The following KCNH3 variants were observed in gnomAD, a reference collection of about 807,000 sequenced individuals.
The protein encoded by KCNH3 is potassium voltage-gated channel subfamily H member 3, also known as voltage-gated inwardly rectifying potassium channel KCNH3.
In KCNH3, 36 loss-of-function variants were observed where a neutral mutation model predicts 95.6. The observed-to-expected ratio is 0.38, with a 90% CI of 0.29 to 0.50. The LOEUF is 0.50. Ranked by LOEUF, KCNH3 falls within the 20% of genes least tolerant of loss-of-function variation. The pLI, the probability that KCNH3 is intolerant of heterozygous loss-of-function variation, is 0.95. For synonymous variants in KCNH3, 620 were observed against 646.3 expected (o/e 0.96, Z 0.62); for missense variants, 1,030 against 1,484.1 (o/e 0.69, Z 5.03).
chr12:49,544,346 G>A lies in KCNH3; in HGVS notation c.1153G>A (p.Glu385Lys). Residue 385 changes from glutamate (E) to lysine (K), a missense_variant, in exon 7 of 15, where the codon GAG becomes AAG. Physicochemically the swap from Glu to Lys is moderately conservative, Grantham distance 56. Coordinates refer to ENST00000257981, the MANE Select transcript of KCNH3 (RefSeq NM_012284.3). The stretch of plus-strand genomic sequence containing the variant: ...CGTCTGGTTTTACATTGGCCAGCGG[G>A]AGATCGAGAGCAGCGAATCCGAGCT... ...ACVWFYIGQR[E>K]IESSESELPE... 1 of 1,613,630 alleles carries A rather than the reference G, an allele frequency of 6.2e-7. No individual in the cohort carries two copies. Among genetic ancestry groups the A allele is most frequent in the South Asian group, 1.1e-5 (1 of 91,082 alleles).
chr12:49,544,856 C>T (rs1938007417), intron 7 of KCNH3, among the ~76,000 whole-genome samples: 1 of 152,122 alleles, frequency 6.6e-6, no homozygotes, highest in South Asian at 2.1e-4. Flanking sequence ...GCATCCTGCT[C>T]TCCCCTGGCC....
At chr12:49,552,644 C>T (rs1440990235) in intron 10 of KCNH3, among the ~76,000 whole-genome samples, 2 of 152,246 alleles carry the variant, frequency 1.3e-5, no homozygotes, top group Admixed American at 1.3e-4. Flanking sequence ...GGAAGCTAAG[C>T]ATACGCAAAG....
intron 4 of KCNH3, among the ~76,000 whole-genome samples, 178 bp downstream of exon 4, chr12:49,543,017 G>A (rs538006350): frequency 7.9e-5 from 12 of 152,336 alleles, no homozygotes; most frequent in South Asian, 4.1e-4. Flanking sequence ...AGAAAGTCCT[G>A]GCCTGGGAGG....
intron 10 of KCNH3, among the ~76,000 whole-genome samples, chr12:49,551,600 A>G (rs1444300492): frequency 1.3e-5 from 2 of 148,286 alleles, no homozygotes; most frequent in African/African-American, 5.1e-5. Flanking sequence ...AAAAAAAAAG[A>G]AAAGCCACTA....
intron 5 of KCNH3, 95 bp downstream of exon 5, chr12:49,543,613 C>T (rs904834765): frequency 7.9e-5 from 115 of 1,461,826 alleles, no homozygotes; most frequent in Admixed American, 2.3e-4. Flanking sequence ...CTACAGTGCC[C>T]CCCTCGCTCT....
In KCNH3 at chr12:49,539,530, G is replaced by A; in HGVS notation, c.76+38G>A. The A allele has an allele frequency of 6.4e-7, 1 of 1,556,676 alleles. No homozygotes were observed. Among genetic ancestry groups the A allele is most frequent in the Non-Finnish European group, 8.7e-7 (1 of 1,149,174 alleles). ...CTCGCCCACTTGCACCCGGGCCGCC[G>A]GACCCTCGCCAGGGCTCCCGCCTTC... On this transcript the variant is annotated intron_variant, in intron 1 of 14. Transcript: ENST00000257981. This position sits in a 1 kb window ranked among gnomAD's most constrained non-coding sequence, Gnocchi z 6.7.
intron 2 of KCNH3, 57 bp downstream of exon 2, chr12:49,541,189 C>T (rs759923166): frequency 1.2e-5 from 15 of 1,277,400 alleles, no homozygotes; most frequent in Admixed American, 1.9e-5. Flanking sequence ...AGCCTGGCAC[C>T]AGCCCCATCC....
In KCNH3 at chr12:49,544,345, G is replaced by A. The variant is rs1469320885; in HGVS notation, c.1152G>A (p.Arg384=). 7 of 1,613,520 alleles carry A rather than the reference G, an allele frequency of 4.3e-6. No homozygotes were observed. The highest frequency in any genetic ancestry group is 5.9e-6 in the Non-Finnish European group (7 of 1,180,054). ...GCGTCTGGTTTTACATTGGCCAGCG[G>A]GAGATCGAGAGCAGCGAATCCGAGC... ...VACVWFYIGQ[R]EIESSESELP... Residue 384 remains arginine, a synonymous_variant, in exon 7 of 15, where the codon CGG becomes CGA. Transcript: ENST00000257981.
rs760872110 is a variant in KCNH3 at position 49,550,474 on chromosome 12, G to C, written c.1918+145G>C. On this transcript the variant is annotated intron_variant, in intron 10 of 14. Coordinates refer to ENST00000257981, the MANE Select transcript of KCNH3 (RefSeq NM_012284.3). ...GAGTCAGGAGTAGTTATGGAGTCCT[G>C]GTCAAAGCTCAGAGAAGCCCCAGTG... 8.4e-6 allele frequency: 9 copies of C among 1,073,634 alleles called. No individual in the cohort carries two copies. The Admixed American group carries it at 1.9e-4, about 22-fold the overall frequency. 66.5% of individuals were successfully genotyped at this position (1,073,634 alleles called of 1,614,324 possible). A position where few individuals can be genotyped will look rare whatever the true frequency, so the allele number is the denominator to read the frequency against.
chr12:49,544,283 A>G lies in KCNH3; in HGVS notation c.1090A>G (p.Met364Val), dbSNP rs1937982598. 12 of 1,611,548 alleles carry G rather than the reference A, an allele frequency of 7.4e-6. No homozygotes were observed. Among genetic ancestry groups the G allele is most frequent in the Non-Finnish European group, 9.3e-6 (11 of 1,179,584 alleles). Residue 364 changes from methionine to valine, a missense_variant, in exon 7 of 15, where the codon ATG becomes GTG. Transcript: ENST00000257981. Reference protein sequence around the residue: ...QYSAVVLTLLMAVFALLAHWV... With the variant: ...QYSAVVLTLLVAVFALLAHWV... ...CAGCGCCGTGGTGCTGACACTGCTC[A>G]TGGCCGTGTTCGCCCTGCTCGCGCA...
chr12:49,557,020 A>T (rs1938483204), intron 13 of KCNH3, among the ~76,000 whole-genome samples, 163 bp from the exon 14 acceptor site: 1 of 152,032 alleles, frequency 6.6e-6, no homozygotes, highest in Admixed American at 6.6e-5. Flanking sequence ...CTGCCCCTGG[A>T]AGTTTGGGCA....
Position 49,539,183 on chromosome 12 carries a change from T to C in KCNH3, c.-234T>C, listed in dbSNP as rs1340792131. Reference sequence around the variant, plus strand: ...GCCGCGGGGCCTGGAGCCCGGGATTTGTGGGCGGCGAGGGCGCGAGGGGCC... The same window carrying C: ...GCCGCGGGGCCTGGAGCCCGGGATTCGTGGGCGGCGAGGGCGCGAGGGGCC... On this transcript the variant is annotated 5_prime_UTR_variant, in exon 1 of 15. Coordinates refer to ENST00000257981, the MANE Select transcript of KCNH3 (RefSeq NM_012284.3). This position sits in a 1 kb window ranked among gnomAD's most constrained non-coding sequence, Gnocchi z 6.7. 1 of 155,754 alleles carries C rather than the reference T, an allele frequency of 6.4e-6. No homozygotes were observed. The highest frequency in any genetic ancestry group is 1.4e-5 in the Non-Finnish European group (1 of 71,036). 9.6% of individuals were successfully genotyped at this position (155,754 alleles called of 1,614,324 possible).
Position 49,544,264 on chromosome 12 carries a change from C to G in KCNH3, c.1071C>G (p.Ala357=), listed in dbSNP as rs539396867. The change falls in exon 7 of 15, where the codon GCC becomes GCG. Residue 357 remains alanine, a synonymous_variant. Transcript: ENST00000257981. ...TGGACCGGTACTCGCAGTACAGCGC[C>G]GTGGTGCTGACACTGCTCATGGCCG... The part of the protein sequence containing the change: ...PRLDRYSQYS[A]VVLTLLMAVF... 34 of 1,608,338 alleles carry G rather than the reference C, an allele frequency of 2.1e-5. No homozygotes were observed. Among genetic ancestry groups the G allele is most frequent in the Non-Finnish European group, 2.7e-5 (32 of 1,178,652 alleles).
chr12:49,545,799 CCT>C (rs1467623078), intron 7 of KCNH3, among the ~76,000 whole-genome samples: 1 of 152,044 alleles, frequency 6.6e-6, no homozygotes, highest in Non-Finnish European at 1.5e-5. Context: ...TCCTGTGAAT[CCT>C]CTCTCCCTCT....
At position 49,543,382 on chromosome 12, in the gene KCNH3, C is replaced by T. The variant is rs1038311256; in HGVS notation, c.687C>T (p.Gly229=). 7.4e-6 allele frequency: 12 copies of T among 1,612,534 alleles called. No individual in the cohort carries two copies. Among genetic ancestry groups the T allele is most frequent in the African/African-American group, 5.3e-5 (4 of 74,948 alleles). The part of the protein sequence containing the change: ...HCGALRATWD[G]FILLATLYVA... ...GGGCACTGAGAGCCACCTGGGATGG[C>T]TTCATCCTGCTCGCCACACTCTATG... Residue 229 remains glycine (G), a synonymous_variant, in exon 5 of 15, where the codon GGC becomes GGT. Coordinates refer to ENST00000257981, the MANE Select transcript of KCNH3 (RefSeq NM_012284.3).
chr12:49,555,584 C>T, intron 11 of KCNH3, 36 bp from the exon 12 acceptor site: 2 of 1,365,052 alleles, frequency 1.5e-6, no homozygotes, highest in South Asian at 2.9e-5. Flanking sequence ...CAATAGTGAC[C>T]ATCCATGCCG....
intron 10 of KCNH3, among the ~76,000 whole-genome samples, chr12:49,552,548 C>T (rs572036338): frequency 8.5e-5 from 13 of 152,346 alleles, no homozygotes; most frequent in African/African-American, 2.9e-4. Flanking sequence ...CTCTCCTCAC[C>T]TACCTTTTTA....
intron 13 of KCNH3, 127 bp from the exon 14 acceptor site, chr12:49,557,056 G>A: frequency 1.1e-6 from 1 of 931,910 alleles, no homozygotes; most frequent in Non-Finnish European, 1.7e-6. Context: ...GGCAAGGCCA[G>A]AAGAGATGAT....
intron 7 of KCNH3, chr12:49,546,053 T>C (rs1902329): frequency 0.21 from 31,272 of 151,722 alleles, 4,951 homozygotes; most frequent in African/African-American, 0.45. Flanking sequence ...ACCAAATCCC[T>C]AGGTCCACTC....
Sources: allele counts gnomAD v4.1 joint callset (sites outside exome capture counted in the v4.1 genomes callset), GRCh38; gene constraint gnomAD v4.1.1; non-coding constraint Gnocchi (gnomAD v3.1); transcripts MANE v1.5; gene names NCBI Gene and HGNC (gene_info 2026-07-23, HGNC 2026-07-21).